Variants in NALCN observed in about 807,000 individuals in gnomAD.
The protein encoded by NALCN is sodium leak channel NALCN.
Under a neutral mutation model 225.3 loss-of-function variants are expected in NALCN, and 111 were observed. That is an observed-to-expected ratio of 0.49 (90% CI 0.42 to 0.58). The LOEUF is 0.58. Ranked by LOEUF, NALCN falls within the 20% of genes least tolerant of loss-of-function variation. NALCN has a pLI of 0.00. For missense variants in NALCN, 1,378 were observed against 2,202.4 expected, an observed-to-expected ratio of 0.63 and a Z score of 7.49; for synonymous variants, 764 against 769.0, an observed-to-expected ratio of 0.99 and a Z score of 0.11.
intron 26 of NALCN, among the ~76,000 whole-genome samples, chr13:101,102,523 G>A (rs1475200610): frequency 6.6e-6 from 1 of 152,122 alleles, no homozygotes; most frequent in Non-Finnish European, 1.5e-5. Context: ...AGATCTTTCT[G>A]TAACAGATTG....
At chr13:101,177,523 A>G (rs979502910) in intron 14 of NALCN, among the ~76,000 whole-genome samples, 1 of 151,186 alleles carries the variant, frequency 6.6e-6, no homozygotes, top group African/African-American at 2.4e-5. Flanking sequence ...GCTTTTGTGT[A>G]TTGGAGTAAT....
intron 6 of NALCN, among the ~76,000 whole-genome samples, chr13:101,356,338 T>C (rs948182727): frequency 6.6e-6 from 1 of 151,966 alleles, no homozygotes; most frequent in Non-Finnish European, 1.5e-5. Context: ...AAGAATCAAA[T>C]AGACACAATA....
intron 1 of NALCN, among the ~76,000 whole-genome samples, chr13:101,411,560 C>T (rs574792964): frequency 4.7e-4 from 71 of 151,994 alleles, no homozygotes; most frequent in African/African-American, 1.6e-3. Flanking sequence ...ATGTTGGCCA[C>T]GCTGGTCTCA....
intron 11 of NALCN, among the ~76,000 whole-genome samples, chr13:101,240,800 T>C (rs2041731512): frequency 6.6e-6 from 1 of 152,192 alleles, no homozygotes; most frequent in African/African-American, 2.4e-5. Context: ...TTTAATTCAC[T>C]GAGGCAATGA....
chr13:101,202,820 A>T (rs958342727), intron 13 of NALCN, among the ~76,000 whole-genome samples: 1 of 152,154 alleles, frequency 6.6e-6, no homozygotes, highest in African/African-American at 2.4e-5. Context: ...CTCTAAAGAG[A>T]TCACCTTTCT....
At chr13:101,062,891 C>T (rs2032071395) in intron 40 of NALCN, among the ~76,000 whole-genome samples, 1 of 152,218 alleles carries the variant, frequency 6.6e-6, no homozygotes, top group African/African-American at 2.4e-5. Context: ...GTGTGAGCCA[C>T]CATGCCTGGT....
rs538812929 is a variant in NALCN at position 101,369,660 on chromosome 13, G to A, written c.644+7040C>T. Among the ~76,000 whole-genome samples, 11 of 152,238 alleles carry A rather than the reference G, an allele frequency of 7.2e-5. No homozygotes were observed. In the South Asian group the frequency reaches 2.3e-3, roughly 32 times the overall value. ...TCTGTACCCACTGCAGTACTACACA[G>A]CTGCTTTCTTATCCAGAAGATTTCC... On this transcript the variant is annotated intron_variant, in intron 6 of 43. Transcript: ENST00000251127.
intron 18 of NALCN, among the ~76,000 whole-genome samples, chr13:101,119,365 T>A (rs903564067): frequency 1.3e-5 from 2 of 152,204 alleles, no homozygotes; most frequent in African/African-American, 4.8e-5. Context: ...CTTAAACAGT[T>A]ATTAATATAA....
chr13:101,208,114 C>T (rs1236649432), intron 13 of NALCN, among the ~76,000 whole-genome samples: 6 of 151,450 alleles, frequency 4.0e-5, no homozygotes, highest in African/African-American at 7.3e-5. Flanking sequence ...ACTCCAGATG[C>T]GCCACCTTTA....
At chr13:101,077,669 T>C (rs1000985670) in intron 34 of NALCN, among the ~76,000 whole-genome samples, 2 of 152,222 alleles carry the variant, frequency 1.3e-5, no homozygotes, top group African/African-American at 2.4e-5. Flanking sequence ...AAGCAGAGTA[T>C]AAATATTTGG....
chr13:101,332,511 A>C (rs1329538863), intron 7 of NALCN, among the ~76,000 whole-genome samples: 1 of 151,998 alleles, frequency 6.6e-6, no homozygotes, highest in African/African-American at 2.4e-5. Flanking sequence ...TTTATGTCCA[A>C]TCAATACCAA....
intron 39 of NALCN, 112 bp from the exon 40 acceptor site, chr13:101,065,673 C>A (rs2032322794): frequency 3.0e-6 from 4 of 1,343,136 alleles, no homozygotes; most frequent in Non-Finnish European, 4.0e-6. Context: ...ATAATTAGCA[C>A]CAGATGTGAA....
chr13:101,199,024 G>T (rs1019486035), intron 13 of NALCN, among the ~76,000 whole-genome samples: 3 of 151,698 alleles, frequency 2.0e-5, no homozygotes, highest in Non-Finnish European at 4.4e-5. Flanking sequence ...ATCATTCTCA[G>T]CAAACTATCA....
chr13:101,293,207 GTGA>G (rs2043614570), intron 7 of NALCN, among the ~76,000 whole-genome samples: 2 of 152,176 alleles, frequency 1.3e-5, no homozygotes, highest in Admixed American at 1.3e-4. Flanking sequence ...ACATCCAACT[GTGA>G]TGATATCTTG....
rs745846404 is a variant in NALCN, at chr13:101,075,870, T to C, written c.3954+3A>G. 34 of 1,606,338 alleles carry C rather than the reference T, an allele frequency of 2.1e-5. No homozygotes were observed. In the South Asian group the frequency reaches 3.7e-4, roughly 17 times the overall value. On this transcript the variant is annotated splice_donor_region_variant and intron_variant, in intron 35 of 43. Coordinates refer to ENST00000251127, the MANE Select transcript of NALCN (RefSeq NM_052867.4). Reference sequence around the variant, plus strand: ...AAGATAAGATTCTTAACAATGTACTTACATGTTTTCCACAGATGGAGAAAA... The same window carrying C: ...AAGATAAGATTCTTAACAATGTACTCACATGTTTTCCACAGATGGAGAAAA...
At chr13:101,283,893 C>A in intron 10 of NALCN, 40 bp downstream of exon 10, 1 of 1,520,570 alleles carries the variant, frequency 6.6e-7, no homozygotes. Flanking sequence ...AATTCAAAGA[C>A]CTTTGCTGGG....
In NALCN at chr13:101,198,232, CAA is replaced by C. The variant is rs558505314; in HGVS notation, c.1627-6180_1627-6179del. Among the ~76,000 whole-genome samples the C allele has an allele frequency of 1.6e-4, 24 of 152,250 alleles. No homozygotes were observed. In the South Asian group the frequency reaches 4.8e-3, roughly 30 times the overall value. On this transcript the variant is annotated intron_variant, in intron 13 of 43. Transcript: ENST00000251127. Reference sequence around the variant, plus strand: ...ATACCATTCAGGACATAGGCATGGGCAAAGACTTCATGTCTAAAACACCAAAA... The same window carrying C: ...ATACCATTCAGGACATAGGCATGGGCAGACTTCATGTCTAAAACACCAAAA...
chr13:101,169,054 C>T (rs539606888), intron 15 of NALCN, among the ~76,000 whole-genome samples: 1 of 152,284 alleles, frequency 6.6e-6, no homozygotes, highest in South Asian at 2.1e-4. Flanking sequence ...TTTCTGTGTG[C>T]TTCCGAAACA....
chr13:101,257,396 G>T (rs1290259864), intron 11 of NALCN, among the ~76,000 whole-genome samples: 3 of 152,090 alleles, frequency 2.0e-5, no homozygotes, highest in African/African-American at 7.2e-5. Context: ...TATCCACGTA[G>T]ATGTCTATGC....
Sources: gnomAD v4.1 joint callset for allele counts (sites outside exome capture counted in the v4.1 genomes callset) on GRCh38, gnomAD v4.1.1 for gene constraint, MANE v1.5 for transcripts, NCBI Gene and HGNC (gene_info 2026-07-23, HGNC 2026-07-21) for gene names.